The following CADM2 variants were observed in gnomAD, a reference collection of about 807,000 sequenced individuals.
CADM2 encodes the protein immunoglobulin superfamily member 4D.
Under a neutral mutation model 49.8 loss-of-function variants are expected in CADM2, and 12 were observed. The ratio of observed to expected loss-of-function variants is 0.24; its 90% CI spans 0.15 to 0.39. The LOEUF (loss-of-function observed/expected upper bound fraction) is 0.39. CADM2 is among the 10% of genes least tolerant of loss of function. The pLI is 1.00. For synonymous variants in CADM2, 214 were observed against 175.4 expected (o/e 1.22, Z -1.74); for missense variants, 378 against 492.3 (o/e 0.77, Z 2.20).
chr3:85,580,897 AAT>A (rs1486342675), intron 1 of CADM2, among the ~76,000 whole-genome samples: 1 of 152,114 alleles, frequency 6.6e-6, no homozygotes. Flanking sequence ...AAATGCTTAG[AAT>A]ATGTTAGCTG....
chr3:85,337,235 AT>A (rs1210707012), intron 1 of CADM2, among the ~76,000 whole-genome samples: 1 of 150,434 alleles, frequency 6.6e-6, no homozygotes, highest in African/African-American at 2.4e-5. Flanking sequence ...AAACATTCCT[AT>A]TTTAGTGTGA....
chr3:85,922,590 C>A (rs1338078888), intron 6 of CADM2, among the ~76,000 whole-genome samples: 1 of 151,954 alleles, frequency 6.6e-6, no homozygotes, highest in Admixed American at 6.6e-5. Flanking sequence ...CTGAAATATA[C>A]CCATCTTGTA....
At chr3:85,922,345 T>G (rs1719233556) in intron 6 of CADM2, among the ~76,000 whole-genome samples, 1 of 152,202 alleles carries the variant, frequency 6.6e-6, no homozygotes, top group South Asian at 2.1e-4. Flanking sequence ...TAATCCTCAA[T>G]GTATCAGGAA....
chr3:85,207,594 T>C (rs1046717495), intron 1 of CADM2, among the ~76,000 whole-genome samples: 1 of 152,166 alleles, frequency 6.6e-6, no homozygotes, highest in Non-Finnish European at 1.5e-5. Flanking sequence ...TTCTAAAACA[T>C]TCTTGACTAA....
At chr3:84,973,376 A>G (rs1311950006) in intron 1 of CADM2, among the ~76,000 whole-genome samples, 1 of 152,176 alleles carries the variant, frequency 6.6e-6, no homozygotes, top group African/African-American at 2.4e-5. Flanking sequence ...TTTAAGGTTA[A>G]AGAGCTCTCA....
chr3:85,075,523 A>ATTCTTTGCC (rs2036911852), intron 1 of CADM2, among the ~76,000 whole-genome samples: 1 of 152,162 alleles, frequency 6.6e-6, no homozygotes, highest in Non-Finnish European at 1.5e-5. Flanking sequence ...AGAAAATGTA[A>ATTCTTTGCC]AGAAAAACTA....
chr3:85,595,718 A>T (rs1207295338), intron 1 of CADM2, among the ~76,000 whole-genome samples: 1 of 152,016 alleles, frequency 6.6e-6, no homozygotes, highest in Admixed American at 6.6e-5. Context: ...TGTCACAAGG[A>T]GGGACCATAT....
At chr3:85,633,536 C>A (rs2064372609) in intron 1 of CADM2, among the ~76,000 whole-genome samples, 2 of 151,930 alleles carry the variant, frequency 1.3e-5, no homozygotes, top group Admixed American at 1.3e-4. Context: ...CCTCACAAAC[C>A]AATTAGATCT....
intron 1 of CADM2, among the ~76,000 whole-genome samples, chr3:84,987,533 C>T (rs1042713675): frequency 1.3e-5 from 2 of 151,898 alleles, no homozygotes; most frequent in Non-Finnish European, 2.9e-5. Flanking sequence ...AATGTCTTGC[C>T]CACCAGATCA....
intron 8 of CADM2, among the ~76,000 whole-genome samples, chr3:86,023,139 A>T (rs1733412123): frequency 6.6e-6 from 1 of 151,978 alleles, no homozygotes; most frequent in East Asian, 1.9e-4. Context: ...AGCAAATATC[A>T]AAAATGCAAT....
At chr3:85,601,845 G>A (rs535484293) in intron 1 of CADM2, among the ~76,000 whole-genome samples, 46 of 150,984 alleles carry the variant, frequency 3.0e-4, no homozygotes, top group Admixed American at 9.9e-4. Flanking sequence ...TCTGTTTTTC[G>A]TTTCTGTTTC....
intron 1 of CADM2, among the ~76,000 whole-genome samples, chr3:84,985,655 C>T (rs2032509808): frequency 6.6e-6 from 1 of 152,106 alleles, no homozygotes; most frequent in Non-Finnish European, 1.5e-5. Flanking sequence ...TCAATATATA[C>T]TTCACTATTC....
intron 1 of CADM2, among the ~76,000 whole-genome samples, chr3:85,523,704 T>C (rs1445094134): frequency 6.6e-6 from 1 of 152,094 alleles, no homozygotes; most frequent in Non-Finnish European, 1.5e-5. Context: ...ATCTTCTTTT[T>C]ACTTCATTTT....
At chr3:85,025,672 C>T (rs1212558587) in intron 1 of CADM2, among the ~76,000 whole-genome samples, 1 of 152,134 alleles carries the variant, frequency 6.6e-6, no homozygotes, top group Non-Finnish European at 1.5e-5. Context: ...CACTGTTACA[C>T]ATGCCTGTGC....
At chr3:85,419,975 T>G (rs753955159) in intron 1 of CADM2, among the ~76,000 whole-genome samples, 1 of 152,184 alleles carries the variant, frequency 6.6e-6, no homozygotes, top group Non-Finnish European at 1.5e-5. Flanking sequence ...GATGTACTAG[T>G]GTTTTTCGCC....
chr3:85,145,584 A>G (rs149659158), intron 1 of CADM2, among the ~76,000 whole-genome samples: 2 of 152,224 alleles, frequency 1.3e-5, no homozygotes, highest in East Asian at 3.9e-4. Context: ...ATATAATCAA[A>G]TAAAGTCCAG....
At chr3:85,075,342 G>A (rs559987766) in intron 1 of CADM2, among the ~76,000 whole-genome samples, 2 of 151,860 alleles carry the variant, frequency 1.3e-5, no homozygotes, top group East Asian at 3.9e-4. Context: ...GTAAATAGTT[G>A]AGGTCTGTAT....
chr3:85,887,865 G>C (rs1291204601), intron 5 of CADM2, among the ~76,000 whole-genome samples: 2 of 152,100 alleles, frequency 1.3e-5, no homozygotes, highest in Non-Finnish European at 2.9e-5. Context: ...ACTACAACAA[G>C]AATCTGATCC....
chr3:85,601,140 A>G (rs374997500), intron 1 of CADM2, among the ~76,000 whole-genome samples: 4,716 of 79,676 alleles, frequency 0.059, 242 homozygotes, highest in African/African-American at 0.12. Flanking sequence ...GTATATATAT[A>G]TATATATATA....
Sources: allele counts gnomAD v4.1 joint callset (sites outside exome capture counted in the v4.1 genomes callset), GRCh38; gene constraint gnomAD v4.1.1; transcripts MANE v1.5; gene names NCBI Gene and HGNC (gene_info 2026-07-23, HGNC 2026-07-21).